Variants in MYRFL observed in about 807,000 individuals in gnomAD.
MYRFL encodes myelin regulatory factor-like protein.
MYRFL carries 88 observed loss-of-function variants against 109.4 expected under a neutral mutation model. The observed-to-expected ratio is 0.80, with a 90% CI of 0.68 to 0.96. The LOEUF is 0.96. Among genes scored for constraint, MYRFL ranks in the 40% least tolerant of loss-of-function variants. The pLI is 0.00. For synonymous variants in MYRFL, 324 were observed against 320.9 expected, an observed-to-expected ratio of 1.01 and a Z score of -0.10; for missense variants, 957 against 954.9, an observed-to-expected ratio of 1.00 and a Z score of -0.03.
At chr12:69,916,999 G>T (rs145865261) in intron 13 of MYRFL, among the ~76,000 whole-genome samples, 308 of 152,084 alleles carry the variant, frequency 2.0e-3, no homozygotes, top group African/African-American at 6.9e-3. Context: ...TAGCTTCCAC[G>T]GCTCCCCTTC....
chr12:69,915,252 T>C lies in MYRFL; in HGVS notation c.1602+4322T>C, dbSNP rs369366701. 2.0e-5 allele frequency among the ~76,000 whole-genome samples: 3 copies of C among 152,106 alleles called. No homozygotes were observed. In the East Asian group the frequency reaches 5.8e-4, roughly 29 times the overall value. ...GGTTGCCACCTCCAGGGCTGCTTGTTTTAAGGAACTTTGCCAGGACGTCCT... is the reference window on the plus strand; with the variant it reads ...GGTTGCCACCTCCAGGGCTGCTTGTCTTAAGGAACTTTGCCAGGACGTCCT... On this transcript the variant is annotated intron_variant, in intron 13 of 24. Transcript: ENST00000552032.
At position 69,908,995 on chromosome 12, in the gene MYRFL, A is replaced by G. The variant is rs142015991; in HGVS notation, c.1384-974A>G. 3.0e-3 allele frequency among the ~76,000 whole-genome samples: 461 copies of G among 152,142 alleles called. 2 individuals are homozygous for G. The highest frequency in any genetic ancestry group is 0.01 in the African/African-American group (435 of 41,502). Reference sequence around the variant, plus strand: ...TGTTCTCATCATTTAGCCCTCAGTTATAAGTGAGAACATGCAGTATTTGGT... The same window carrying G: ...TGTTCTCATCATTTAGCCCTCAGTTGTAAGTGAGAACATGCAGTATTTGGT... On this transcript the variant is annotated intron_variant, in intron 11 of 24. Coordinates refer to ENST00000552032, the MANE Select transcript of MYRFL (RefSeq NM_182530.3).
chr12:69,860,983 C>T (rs536055646), intron 2 of MYRFL, among the ~76,000 whole-genome samples: 46 of 145,288 alleles, frequency 3.2e-4, no homozygotes, highest in South Asian at 1.8e-3. Context: ...CACCTATGAG[C>T]GAGAATATGC....
At chr12:69,827,564 G>T (rs1882361060) in intron 1 of MYRFL, among the ~76,000 whole-genome samples, 2 of 151,798 alleles carry the variant, frequency 1.3e-5, no homozygotes, top group South Asian at 2.1e-4. Flanking sequence ...TGAGATGTTT[G>T]GTTTTTTCAG....
chr12:69,837,190 A>G (rs1303511084), intron 1 of MYRFL, among the ~76,000 whole-genome samples: 1 of 152,210 alleles, frequency 6.6e-6, no homozygotes, highest in Non-Finnish European at 1.5e-5. Context: ...GAGCAGGGAA[A>G]GACAGGTATT....
chr12:69,958,106 G>A, intron 23 of MYRFL, 143 bp from the exon 24 acceptor site: 11 of 1,144,524 alleles, frequency 9.6e-6, no homozygotes, highest in Non-Finnish European at 1.2e-5. Context: ...CTGTTGCTAG[G>A]ACTGTTCTAG....
Position 69,945,065 on chromosome 12 carries a change from A to G in MYRFL, c.2225-7048A>G, listed in dbSNP as rs1030195376. Among the ~76,000 whole-genome samples, 9 of 152,312 alleles carry G rather than the reference A, an allele frequency of 5.9e-5. No homozygotes were observed. In the East Asian group the frequency reaches 1.7e-3, roughly 29 times the overall value. On this transcript the variant is annotated intron_variant, in intron 19 of 24. Coordinates refer to ENST00000552032, the MANE Select transcript of MYRFL (RefSeq NM_182530.3). Reference sequence around the variant, plus strand: ...ATAAAGAAAGAAAATATCTTTGTACAGCTGTACAATGTGTTTGTGTTTTAA... The same window carrying G: ...ATAAAGAAAGAAAATATCTTTGTACGGCTGTACAATGTGTTTGTGTTTTAA...
intron 5 of MYRFL, among the ~76,000 whole-genome samples, chr12:69,886,504 G>T (rs371196505): frequency 2.0e-5 from 3 of 152,128 alleles, no homozygotes; most frequent in Non-Finnish European, 4.4e-5. Context: ...CTATCCTCCC[G>T]GCTCTGGGAA....
At chr12:69,944,097 T>C (rs1955753803) in intron 19 of MYRFL, among the ~76,000 whole-genome samples, 1 of 150,872 alleles carries the variant, frequency 6.6e-6, no homozygotes, top group Non-Finnish European at 1.5e-5. Context: ...GACTGTAAAC[T>C]AGTTCAACCC....
intron 1 of MYRFL, among the ~76,000 whole-genome samples, chr12:69,853,744 A>T (rs1315399135): frequency 6.8e-6 from 1 of 146,314 alleles, no homozygotes; most frequent in Non-Finnish European, 1.5e-5. Flanking sequence ...CTCACTTCCC[A>T]GACTGGGCGG....
At chr12:69,831,843 A>G (rs1421013853) in intron 1 of MYRFL, among the ~76,000 whole-genome samples, 1 of 152,146 alleles carries the variant, frequency 6.6e-6, no homozygotes, top group African/African-American at 2.4e-5. Flanking sequence ...TTATTCAGTC[A>G]GTTGTCAAAG....
At chr12:69,875,815 A>G (rs558474341) in intron 2 of MYRFL, among the ~76,000 whole-genome samples, 2 of 152,320 alleles carry the variant, frequency 1.3e-5, no homozygotes, top group East Asian at 3.9e-4. Flanking sequence ...CTTCCATGAA[A>G]TCAGTCTCTA....
chr12:69,954,375 A>G (rs745580976), intron 21 of MYRFL, among the ~76,000 whole-genome samples: 3 of 152,210 alleles, frequency 2.0e-5, no homozygotes, highest in Non-Finnish European at 4.4e-5. Context: ...CCTGATCCCA[A>G]TGCAGATCTT....
At chr12:69,908,577 C>A (rs1040373394) in intron 11 of MYRFL, among the ~76,000 whole-genome samples, 2 of 152,170 alleles carry the variant, frequency 1.3e-5, no homozygotes, top group South Asian at 4.1e-4. Context: ...CGCTAGGAAG[C>A]CTTCCTTTAC....
At chr12:69,917,664 C>T (rs1954784213) in intron 13 of MYRFL, among the ~76,000 whole-genome samples, 1 of 152,082 alleles carries the variant, frequency 6.6e-6, no homozygotes, top group African/African-American at 2.4e-5. Flanking sequence ...CTTCACTAGA[C>T]TGTGAGACTC....
intron 19 of MYRFL, 110 bp downstream of exon 19, chr12:69,936,742 C>T (rs1161860384): frequency 3.9e-6 from 4 of 1,016,670 alleles, no homozygotes; most frequent in Non-Finnish European, 5.4e-6. Flanking sequence ...TTCCATGCTT[C>T]TATTTGGGGT....
rs1290164170 is a variant in MYRFL, at chr12:69,929,463, G to A, written c.1830+1715G>A. Among the ~76,000 whole-genome samples, 4 of 152,156 alleles carry A rather than the reference G, an allele frequency of 2.6e-5. No individual in the cohort carries two copies. The South Asian group carries it at 6.2e-4, about 24-fold the overall frequency. ...GAGCCTTAAAGGAGGAGTAAGCTTT[G>A]GCTAGACATCAATGAAATTGAAGGA... On this transcript the variant is annotated intron_variant, in intron 15 of 24. Coordinates refer to ENST00000552032, the MANE Select transcript of MYRFL (RefSeq NM_182530.3).
In MYRFL at chr12:69,891,158, G is replaced by T; in HGVS notation, c.895G>T (p.Gly299Cys). 1.3e-6 allele frequency: 2 copies of T among 1,513,350 alleles called. No homozygotes were observed. The highest frequency in any genetic ancestry group is 2.5e-5 in the South Asian group (2 of 78,876). 93.7% of individuals were successfully genotyped at this position (1,513,350 alleles called of 1,614,324 possible). A position where few individuals can be genotyped will look rare whatever the true frequency, so the allele number is the denominator to read the frequency against. Residue 299 changes from glycine (G) to cysteine (C), a missense_variant, in exon 7 of 25, where the codon GGC becomes TGC. Gly to Cys is a radical substitution (Grantham distance 159). Coordinates refer to ENST00000552032, the MANE Select transcript of MYRFL (RefSeq NM_182530.3). ...PIEMFYLKVF[G>C]TKVEATNQII... ...AGAAATGTTTTACTTGAAAGTTTTT[G>T]GCACTAAGGTATGTCTTTTATTTAG...
At chr12:69,915,397 G>A (rs768688594) in intron 13 of MYRFL, among the ~76,000 whole-genome samples, 2 of 152,066 alleles carry the variant, frequency 1.3e-5, no homozygotes, top group African/African-American at 2.4e-5. Context: ...ATTGAAGTTC[G>A]AATGCAAATT....
Sources: allele counts gnomAD v4.1 joint callset (sites outside exome capture counted in the v4.1 genomes callset), GRCh38; gene constraint gnomAD v4.1.1; transcripts MANE v1.5; gene names NCBI Gene and HGNC (gene_info 2026-07-23, HGNC 2026-07-21).